The following TMC1 variants were observed in gnomAD, a reference collection of about 807,000 sequenced individuals.
TMC1 encodes transmembrane channel like 1.
In TMC1, 84 loss-of-function variants were observed where a neutral mutation model predicts 105.8. That is an observed-to-expected ratio of 0.79 (90% confidence interval 0.67 to 0.95). The LOEUF (loss-of-function observed/expected upper bound fraction) is 0.95, where lower values mean the gene tolerates loss of function less well. Among genes scored for constraint, TMC1 ranks in the 40% least tolerant of loss-of-function variants. The pLI is 0.00. For synonymous variants in TMC1, 315 were observed against 311.5 expected, an observed-to-expected ratio of 1.01 and a Z score of -0.12; for missense variants, 817 against 914.1, an observed-to-expected ratio of 0.89 and a Z score of 1.37.
rs751503196 is a variant in TMC1 at position 72,789,215 on chromosome 9, A to G, written c.1122A>G (p.Leu374=). ...TTCTGGCTAACTTCTTCGTGTTTCT[A>G]ACACTTGGAGGGAGTGGATACCTCA... ...LRFLANFFVF[L]TLGGSGYLIF... The change falls in exon 15 of 24, where the codon CTA becomes CTG. Residue 374 remains leucine, a synonymous_variant. Coordinates refer to ENST00000297784, the MANE Select transcript of TMC1 (RefSeq NM_138691.3). 1.9e-6 allele frequency: 3 copies of G among 1,614,040 alleles called. No individual in the cohort carries two copies. The highest frequency in any genetic ancestry group is 1.1e-5 in the South Asian group (1 of 91,080).
intron 12 of TMC1, among the ~76,000 whole-genome samples, chr9:72,770,558 A>G (rs1049896973): frequency 1.3e-5 from 2 of 150,800 alleles, no homozygotes; most frequent in African/African-American, 4.9e-5. Context: ...TGCTAGAATT[A>G]CAGGTGTGAG....
Position 72,600,185 on chromosome 9 carries a change from A to T in TMC1, c.-305-16183A>T, listed in dbSNP as rs539429550. Among the ~76,000 whole-genome samples, 6 of 152,316 alleles carry T rather than the reference A, an allele frequency of 3.9e-5. No homozygotes were observed. The South Asian group carries it at 1.2e-3, about 32-fold the overall frequency. ...AATCTCTATGGCAGCAATGTGGAGG[A>T]TGAAGTAACAAAAATATACACTTTG... On this transcript the variant is annotated intron_variant, in intron 2 of 23. Transcript: ENST00000297784.
chr9:72,802,838 AT>A (rs1180137401), intron 17 of TMC1, among the ~76,000 whole-genome samples: 3 of 152,212 alleles, frequency 2.0e-5, no homozygotes, highest in Non-Finnish European at 2.9e-5. Flanking sequence ...TGCTATTTCC[AT>A]TAAACCACCA....
At chr9:72,667,820 CCA>C (rs1826067766) in intron 5 of TMC1, among the ~76,000 whole-genome samples, 1 of 152,190 alleles carries the variant, frequency 6.6e-6, no homozygotes, top group South Asian at 2.1e-4. Context: ...CCATTGATTT[CCA>C]GTTTGTTCAG....
At chr9:72,718,909 C>T (rs1451228183) in intron 8 of TMC1, among the ~76,000 whole-genome samples, 1 of 152,110 alleles carries the variant, frequency 6.6e-6, no homozygotes, top group African/African-American at 2.4e-5. Context: ...GGGTGTGGTT[C>T]TCAGGTCAAT....
Position 72,788,396 on chromosome 9 carries a change from C to T in TMC1, c.942C>T (p.Ser314=), listed in dbSNP as rs1460931936. 1 of 1,613,908 alleles carries T rather than the reference C, an allele frequency of 6.2e-7. No homozygotes were observed. Residue 314 remains serine, a synonymous_variant, in exon 14 of 24, where the codon AGC becomes AGT. Coordinates refer to ENST00000297784, the MANE Select transcript of TMC1 (RefSeq NM_138691.3). ...GGGDDNTFNF[S]WKVFTSWDYL... is the part of the protein sequence containing the mutation. ...GAGATGACAACACTTTCAATTTCAG[C>T]TGGAAGGTCTTTACCAGCTGGGACT...
At position 72,772,431 on chromosome 9, in the gene TMC1, G is replaced by A. The variant is rs111033497; in HGVS notation, c.760G>A (p.Val254Ile). The A allele has an allele frequency of 1.4e-4, 225 of 1,613,812 alleles. 3 individuals are homozygous for A. The South Asian group carries it at 1.8e-3, about 13-fold the overall frequency. The change falls in exon 13 of 24, where the codon GTT (valine) becomes ATT (isoleucine). Residue 254 changes from valine (V) to isoleucine (I), a missense_variant. By Grantham distance (29) the Val-to-Ile change is conservative. Coordinates refer to ENST00000297784, the MANE Select transcript of TMC1 (RefSeq NM_138691.3). The part of the protein sequence containing the change: ...YDFNGLAQYS[V>I]LFYGYYDNKR... ...ATTTCAGGGTTTGGCACAATATTCC[G>A]TTCTCTTTTATGGCTATTATGACAA...
chr9:72,821,504 A>AG (rs1828872198), intron 20 of TMC1, among the ~76,000 whole-genome samples: 1 of 146,092 alleles, frequency 6.8e-6, no homozygotes, highest in African/African-American at 2.5e-5. Context: ...CTCTGTCTCA[A>AG]AAAAAAAAAA....
chr9:72,678,534 T>C (rs1418845727), intron 5 of TMC1, among the ~76,000 whole-genome samples: 1 of 152,066 alleles, frequency 6.6e-6, no homozygotes, highest in African/African-American at 2.4e-5. Context: ...GCAGTGTGAG[T>C]AATAACTATC....
At chr9:72,827,320 TC>T (rs1564581264) in intron 21 of TMC1, among the ~76,000 whole-genome samples, 1 of 152,108 alleles carries the variant, frequency 6.6e-6, no homozygotes, top group Non-Finnish European at 1.5e-5. Context: ...ACATTGAGCT[TC>T]CCCCCAACAA....
intron 2 of TMC1, among the ~76,000 whole-genome samples, chr9:72,613,984 A>C (rs1310970133): frequency 2.6e-5 from 4 of 152,194 alleles, no homozygotes; most frequent in Non-Finnish European, 5.9e-5. Flanking sequence ...ACATTTCAGA[A>C]TGAGAAAGAG....
At chr9:72,537,607 C>T (rs1016646597) in intron 1 of TMC1, among the ~76,000 whole-genome samples, 5 of 152,208 alleles carry the variant, frequency 3.3e-5, no homozygotes, top group Admixed American at 6.5e-5. Context: ...GCCCATGACA[C>T]AGCCTCAGGA....
intron 2 of TMC1, among the ~76,000 whole-genome samples, chr9:72,606,978 T>C (rs7870656): frequency 0.24 from 32,778 of 137,846 alleles, 4,082 homozygotes; most frequent in Middle Eastern, 0.33. Flanking sequence ...TATGTGTGTG[T>C]GTGCATATAT....
chr9:72,734,162 T>C (rs1827260145), intron 8 of TMC1, among the ~76,000 whole-genome samples: 1 of 152,174 alleles, frequency 6.6e-6, no homozygotes, highest in Non-Finnish European at 1.5e-5. Flanking sequence ...CAGCACACAA[T>C]TTAAAACTTA....
At chr9:72,804,717 G>A (rs1047152797) in intron 17 of TMC1, among the ~76,000 whole-genome samples, 55 of 152,178 alleles carry the variant, frequency 3.6e-4, no homozygotes, top group Admixed American at 6.5e-5. Flanking sequence ...TCTTCCCAAC[G>A]TTGTGCCCGG....
chr9:72,577,011 T>G (rs1352324615), intron 1 of TMC1, among the ~76,000 whole-genome samples: 1 of 152,112 alleles, frequency 6.6e-6, no homozygotes, highest in Non-Finnish European at 1.5e-5. Flanking sequence ...CAACTGGGAT[T>G]TTTTTCAATC....
intron 9 of TMC1, among the ~76,000 whole-genome samples, chr9:72,742,220 CAG>C (rs1300268085): frequency 1.3e-5 from 2 of 152,038 alleles, no homozygotes; most frequent in Non-Finnish European, 2.9e-5. Context: ...TTCCATAAAA[CAG>C]GGGATCGATA....
At chr9:72,698,185 C>T (rs1826584168) in intron 7 of TMC1, among the ~76,000 whole-genome samples, 2 of 152,114 alleles carry the variant, frequency 1.3e-5, no homozygotes, top group African/African-American at 4.8e-5. Context: ...AGAGATGTAT[C>T]TTAGAAGAGT....
chr9:72,700,688 G>C, intron 8 of TMC1, 45 bp downstream of exon 8: 1 of 1,333,200 alleles, frequency 7.5e-7, no homozygotes, highest in South Asian at 1.2e-5. Context: ...CCCTGATATT[G>C]ATTTTCTAAA....
Sources: allele counts gnomAD v4.1 joint callset (sites outside exome capture counted in the v4.1 genomes callset), GRCh38; gene constraint gnomAD v4.1.1; transcripts MANE v1.5; gene names NCBI Gene and HGNC (gene_info 2026-07-23, HGNC 2026-07-21).